Variants in LRP8 observed in about 807,000 individuals in gnomAD.
LRP8 encodes LDL receptor related protein 8.
A neutral mutation model predicts 111.6 loss-of-function variants in LRP8; 46 were observed. That is an observed-to-expected ratio of 0.41 (90% CI 0.33 to 0.53). LRP8 has a LOEUF of 0.53. LRP8 is among the 20% of genes least tolerant of loss of function. LRP8 has a pLI of 0.20. For missense variants in LRP8, 959 were observed against 1,297.4 expected, an observed-to-expected ratio of 0.74 and a Z score of 4.01; for synonymous variants, 464 against 511.2, an observed-to-expected ratio of 0.91 and a Z score of 1.24.
At chr1:53,301,400 T>G (rs1650827766) in intron 2 of LRP8, among the ~76,000 whole-genome samples, 1 of 151,996 alleles carries the variant, frequency 6.6e-6, no homozygotes, top group Non-Finnish European at 1.5e-5. Flanking sequence ...ACCACCCACT[T>G]TAAGAGATTA....
chr1:53,326,707 C>A (rs1322918029), intron 2 of LRP8, among the ~76,000 whole-genome samples, 166 bp downstream of exon 2: 1 of 152,218 alleles, frequency 6.6e-6, no homozygotes, highest in African/African-American at 2.4e-5. Flanking sequence ...AAGAGCCACC[C>A]GGCCCCGAGG....
At chr1:53,281,151 A>G (rs1271468359) in intron 3 of LRP8, among the ~76,000 whole-genome samples, 1 of 152,126 alleles carries the variant, frequency 6.6e-6, no homozygotes, top group African/African-American at 2.4e-5. Flanking sequence ...CAGTGACTCC[A>G]TGATTGGAAC....
chr1:53,282,833 G>A (rs1437846412), intron 3 of LRP8, among the ~76,000 whole-genome samples: 4 of 152,208 alleles, frequency 2.6e-5, no homozygotes, highest in Middle Eastern at 3.4e-3. Flanking sequence ...AATTCACTAC[G>A]ATAAAAGTGA....
chr1:53,304,295 T>C (rs1004893468), intron 2 of LRP8, among the ~76,000 whole-genome samples: 2 of 151,982 alleles, frequency 1.3e-5, no homozygotes, highest in Non-Finnish European at 1.5e-5. Context: ...TGAGGGAAAA[T>C]TCCCCGTTTC....
At chr1:53,258,251 A>C in intron 14 of LRP8, 68 bp downstream of exon 14, 1 of 1,488,662 alleles carries the variant, frequency 6.7e-7, no homozygotes, top group African/African-American at 1.4e-5. Context: ...CCCAGAAGCC[A>C]AGGGAAGATT....
Position 53,289,580 on chromosome 1 carries a change from G to A in LRP8, c.354C>T (p.Ser118=), listed in dbSNP as rs551701332. The A allele has an allele frequency of 1.7e-5, 27 of 1,603,862 alleles. No homozygotes were observed. The highest frequency in any genetic ancestry group is 3.4e-5 in the Admixed American group (2 of 58,990). Reference sequence around the variant, plus strand: ...GGCAGGACTCACTGCAAGTGGCCTCGGACTCATCGGAGCCATCAGGACACT... The same window carrying A: ...GGCAGGACTCACTGCAAGTGGCCTCAGACTCATCGGAGCCATCAGGACACT... ...EEECPDGSDE[S]EATCTKQVCP... Residue 118 remains serine, a synonymous_variant, in exon 3 of 19, where the codon TCC becomes TCT. Coordinates refer to ENST00000306052, the MANE Select transcript of LRP8 (RefSeq NM_004631.5).
intron 16 of LRP8, among the ~76,000 whole-genome samples, chr1:53,251,881 A>C (rs1156872135): frequency 3.3e-5 from 5 of 151,644 alleles, no homozygotes; most frequent in African/African-American, 1.2e-4. Flanking sequence ...CCATCTCTAC[A>C]AAAAATACAA....
chr1:53,257,772 A>G (rs747371217), intron 14 of LRP8, among the ~76,000 whole-genome samples: 2 of 152,256 alleles, frequency 1.3e-5, no homozygotes, highest in Non-Finnish European at 2.9e-5. Flanking sequence ...ATATTGTTAT[A>G]CCAATAGATT....
chr1:53,278,915 ATTTTTTTT>A (rs530331555), intron 4 of LRP8, among the ~76,000 whole-genome samples: 2 of 133,016 alleles, frequency 1.5e-5, no homozygotes, highest in African/African-American at 5.8e-5. Context: ...CGCCCGGCTA[ATTTTTTTT>A]TTTTTTTTTG....
intron 8 of LRP8, chr1:53,267,697 T>C (rs2100396136): frequency 6.6e-6 from 1 of 152,330 alleles, no homozygotes; most frequent in East Asian, 1.9e-4. Context: ...CCTGTATTTT[T>C]CTTAGATTTA....
chr1:53,327,480 A>G, intron 1 of LRP8: 1 of 290,656 alleles, frequency 3.4e-6, no homozygotes, highest in Non-Finnish European at 6.3e-6. Context: ...ATAAACCCCA[A>G]CGGCGAGAAT....
chr1:53,276,997 CCA>C lies in LRP8; in HGVS notation c.576_577del (p.Cys192TrpfsTer2). ...ACAGCCGCGCTCATCGCTGCCGTCA[CCA>C]CAGTCGTCGTCGCCGTCGCACACGA... On this transcript the variant is annotated frameshift_variant, in exon 5 of 19. Transcript: ENST00000306052. LOFTEE classifies it high-confidence loss of function. 1 of 1,515,942 alleles carries C rather than the reference CCA, an allele frequency of 6.6e-7. No individual in the cohort carries two copies. The highest frequency in any genetic ancestry group is 8.8e-7 in the Non-Finnish European group (1 of 1,135,806). 93.9% of individuals were successfully genotyped at this position (1,515,942 alleles called of 1,614,324 possible). A position where few individuals can be genotyped will look rare whatever the true frequency, so the allele number is the denominator to read the frequency against.
intron 3 of LRP8, among the ~76,000 whole-genome samples, chr1:53,287,122 C>T (rs778284617): frequency 6.6e-6 from 1 of 152,230 alleles, no homozygotes; most frequent in Non-Finnish European, 1.5e-5. Flanking sequence ...TGGGAGCTGG[C>T]ATAGCCCCAG....
intron 15 of LRP8, 61 bp downstream of exon 15, chr1:53,257,179 C>A (rs1221285602): frequency 6.6e-7 from 1 of 1,514,048 alleles, no homozygotes; most frequent in African/African-American, 1.4e-5. Flanking sequence ...CACATACCCC[C>A]TTCCTGGCTT....
At chr1:53,263,494 G>A (rs1646424704) in intron 10 of LRP8, among the ~76,000 whole-genome samples, 2 of 152,224 alleles carry the variant, frequency 1.3e-5, no homozygotes, top group African/African-American at 4.8e-5. Context: ...CACACTGAGG[G>A]AGAGAGGGAG....
chr1:53,316,292 T>C (rs1306698098), intron 2 of LRP8, among the ~76,000 whole-genome samples: 1 of 151,688 alleles, frequency 6.6e-6, no homozygotes, highest in Admixed American at 6.6e-5. Flanking sequence ...GCCCCTACAG[T>C]AGGCAGTAGA....
In LRP8 at chr1:53,246,066, T is replaced by C. The variant is rs1323674608; in HGVS notation, c.*952A>G. The C allele has an allele frequency of 6.6e-6, 1 of 152,194 alleles. No individual in the cohort carries two copies. Among genetic ancestry groups the C allele is most frequent in the South Asian group, 2.1e-4 (1 of 4,830 alleles). 9.4% of individuals were successfully genotyped at this position (152,194 alleles called of 1,614,324 possible). A position where few individuals can be genotyped will look rare whatever the true frequency, so the allele number is the denominator to read the frequency against. On this transcript the variant is annotated 3_prime_UTR_variant, in exon 19 of 19. Coordinates refer to ENST00000306052, the MANE Select transcript of LRP8 (RefSeq NM_004631.5). Reference sequence around the variant, plus strand: ...GGTGAGGCATATCCTATCTTGAGTTTCTGAGCACTCTGGTACCATGGAATG... The same window carrying C: ...GGTGAGGCATATCCTATCTTGAGTTCCTGAGCACTCTGGTACCATGGAATG...
At chr1:53,321,069 A>G (rs1654450236) in intron 2 of LRP8, among the ~76,000 whole-genome samples, 1 of 152,248 alleles carries the variant, frequency 6.6e-6, no homozygotes, top group African/African-American at 2.4e-5. Flanking sequence ...ACGTGGTCCC[A>G]GGCATGGGAT....
intron 5 of LRP8, 150 bp downstream of exon 5, chr1:53,276,542 C>T (rs796558930): frequency 1.8e-6 from 1 of 543,688 alleles, no homozygotes; most frequent in Non-Finnish European, 2.8e-6. Flanking sequence ...AATAAGTCAC[C>T]TCACTTCTCC....
Sources: gnomAD v4.1 joint callset for allele counts (sites outside exome capture counted in the v4.1 genomes callset) on GRCh38, gnomAD v4.1.1 for gene constraint, MANE v1.5 for transcripts, NCBI Gene and HGNC (gene_info 2026-07-23, HGNC 2026-07-21) for gene names.